The following BABAM2 variants were observed in gnomAD, a reference collection of about 807,000 sequenced individuals.
BABAM2 encodes the protein BRISC and BRCA1-A complex member 2.
In BABAM2, 31 loss-of-function variants were observed where a neutral mutation model predicts 54.7. That is an observed-to-expected ratio of 0.57 (90% CI 0.43 to 0.77). The LOEUF (loss-of-function observed/expected upper bound fraction) is 0.77, where lower values mean the gene tolerates loss of function less well. Among genes scored for constraint, BABAM2 ranks in the 30% least tolerant of loss-of-function variants. BABAM2 has a pLI of 0.00. For missense variants in BABAM2, 364 were observed against 455.8 expected (o/e 0.80, Z 1.83); for synonymous variants, 167 against 162.9 (o/e 1.03, Z -0.19).
chr2:28,318,543 T>A (rs1214315640), intron 11 of BABAM2, among the ~76,000 whole-genome samples: 1 of 152,228 alleles, frequency 6.6e-6, no homozygotes, highest in African/African-American at 2.4e-5. Context: ...GAGGCAATTC[T>A]TGAATAGAAA....
At position 28,329,096 on chromosome 2, in the gene BABAM2, C is replaced by G. The variant is rs1349194482; in HGVS notation, c.1089-9354C>G. The stretch of plus-strand genomic sequence containing the variant: ...GCCTCTGAGCATTTCCCTGATAGCT[C>G]CCTGTCTTAACTTTCTTCAGTCTCC... On this transcript the variant is annotated intron_variant, in intron 11 of 11. Transcript: ENST00000379624. The surrounding 1 kb of genome is among the most constrained non-coding windows in gnomAD (Gnocchi z 4.2). Among the ~76,000 whole-genome samples the G allele has an allele frequency of 1.3e-5, 2 of 152,158 alleles. No homozygotes were observed. The highest frequency in any genetic ancestry group is 2.9e-5 in the Non-Finnish European group (2 of 68,038).
chr2:28,115,182 AACACACACACACACACACACAC>A (rs35506654), intron 6 of BABAM2, among the ~76,000 whole-genome samples: 3 of 142,348 alleles, frequency 2.1e-5, no homozygotes, highest in East Asian at 4.1e-4. Flanking sequence ...ATAACTTTAA[AACACACACACACACACACACAC>A]ACACACACAC....
chr2:28,033,089 T>A (rs889936441), intron 5 of BABAM2, among the ~76,000 whole-genome samples: 1 of 152,178 alleles, frequency 6.6e-6, no homozygotes, highest in Admixed American at 6.5e-5. Context: ...ATTTTTAAGA[T>A]CATAATTTTA....
At chr2:28,157,422 A>T (rs1054726376) in intron 7 of BABAM2, among the ~76,000 whole-genome samples, 4 of 152,072 alleles carry the variant, frequency 2.6e-5, no homozygotes, top group Non-Finnish European at 5.9e-5. Context: ...TTATTTTTAC[A>T]CTCCTAGCAT....
chr2:27,893,924 G>A (rs1335363191), intron 1 of BABAM2, among the ~76,000 whole-genome samples: 1 of 150,966 alleles, frequency 6.6e-6, no homozygotes, highest in Non-Finnish European at 1.5e-5. Flanking sequence ...AACCCGGGAG[G>A]TGGAGTTTGC....
At chr2:28,231,201 T>G (rs1681352482) in intron 7 of BABAM2, among the ~76,000 whole-genome samples, 1 of 152,104 alleles carries the variant, frequency 6.6e-6, no homozygotes, top group Non-Finnish European at 1.5e-5. Context: ...AAATGCCCAG[T>G]AGAGTGTCTG....
At chr2:28,256,493 A>T (rs1001267764) in intron 10 of BABAM2, among the ~76,000 whole-genome samples, 1 of 152,150 alleles carries the variant, frequency 6.6e-6, no homozygotes, top group African/African-American at 2.4e-5. Flanking sequence ...GATGCCCTGA[A>T]TCCAAGGACG....
intron 10 of BABAM2, among the ~76,000 whole-genome samples, chr2:28,247,675 A>G (rs986504601): frequency 6.6e-5 from 10 of 152,216 alleles, no homozygotes; most frequent in African/African-American, 1.9e-4. Context: ...CTAGCAGGAC[A>G]TGAAATAGCA....
intron 11 of BABAM2, among the ~76,000 whole-genome samples, chr2:28,321,013 C>T (rs1458533956): frequency 6.6e-6 from 1 of 152,198 alleles, no homozygotes; most frequent in East Asian, 1.9e-4. Context: ...TATATATATA[C>T]CTATTGGTAC....
intron 10 of BABAM2, among the ~76,000 whole-genome samples, chr2:28,274,345 G>C (rs969351354): frequency 3.9e-5 from 6 of 152,326 alleles, no homozygotes; most frequent in African/African-American, 1.4e-4. Context: ...CTGTTATCTT[G>C]AATGGTTCCT....
intron 3 of BABAM2, among the ~76,000 whole-genome samples, chr2:27,954,929 T>A (rs1170643564): frequency 1.3e-5 from 2 of 152,150 alleles, no homozygotes; most frequent in African/African-American, 4.8e-5. Context: ...AATGAAGGTG[T>A]GTGCCAGCAA....
At chr2:27,949,857 C>T (rs1165350306) in intron 3 of BABAM2, among the ~76,000 whole-genome samples, 3 of 152,170 alleles carry the variant, frequency 2.0e-5, no homozygotes, top group African/African-American at 7.2e-5. Flanking sequence ...CTCATTATTC[C>T]GTATTGTTTG....
intron 6 of BABAM2, among the ~76,000 whole-genome samples, chr2:28,109,337 C>T (rs1018419088): frequency 1.3e-4 from 20 of 151,740 alleles, no homozygotes; most frequent in Non-Finnish European, 2.1e-4. Context: ...TACAGGCGCC[C>T]GCCACCATGC....
At chr2:28,126,511 T>C (rs1573633928) in intron 6 of BABAM2, among the ~76,000 whole-genome samples, 1 of 144,640 alleles carries the variant, frequency 6.9e-6, no homozygotes, top group East Asian at 2.0e-4. Context: ...CCATGGTGTA[T>C]ATGTGCCACA....
At chr2:28,243,401 G>A (rs1237436809) in intron 9 of BABAM2, among the ~76,000 whole-genome samples, 5 of 151,770 alleles carry the variant, frequency 3.3e-5, no homozygotes, top group Non-Finnish European at 5.9e-5. Context: ...GCGTGGTGGC[G>A]GGTGCCTGTA....
At chr2:28,073,003 G>A (rs373220870) in intron 6 of BABAM2, among the ~76,000 whole-genome samples, 1 of 152,160 alleles carries the variant, frequency 6.6e-6, no homozygotes, top group East Asian at 1.9e-4. Flanking sequence ...TTTAGCTCCT[G>A]TTCAGTTTTT....
chr2:28,191,582 A>G (rs1381079918), intron 7 of BABAM2, among the ~76,000 whole-genome samples: 1 of 152,256 alleles, frequency 6.6e-6, no homozygotes, highest in Non-Finnish European at 1.5e-5. Flanking sequence ...TACTATTGGT[A>G]CGCACAACAA....
At chr2:28,048,113 A>G (rs969567511) in intron 6 of BABAM2, among the ~76,000 whole-genome samples, 1 of 152,242 alleles carries the variant, frequency 6.6e-6, no homozygotes, top group East Asian at 1.9e-4. Flanking sequence ...CAGCATCAAT[A>G]TAGTTTTACC....
At chr2:28,004,130 G>GT (rs1673778336) in intron 4 of BABAM2, among the ~76,000 whole-genome samples, 1 of 50,826 alleles carries the variant, frequency 2.0e-5, no homozygotes, top group African/African-American at 6.2e-5. Flanking sequence ...TTTTTAAAAA[G>GT]CAAAAAAAAA....
Sources: gnomAD v4.1 joint callset for allele counts (sites outside exome capture counted in the v4.1 genomes callset) on GRCh38, gnomAD v4.1.1 for gene constraint, Gnocchi (gnomAD v3.1) non-coding constraint, MANE v1.5 for transcripts, NCBI Gene and HGNC (gene_info 2026-07-23, HGNC 2026-07-21) for gene names.